The following DNAH14 variants were observed in gnomAD, a reference collection of about 807,000 sequenced individuals.
DNAH14 encodes the protein dynein axonemal heavy chain 14.
A neutral mutation model predicts 520.9 loss-of-function variants in DNAH14; 478 were observed. That is an observed-to-expected ratio of 0.92 (90% CI 0.85 to 0.99). The LOEUF (loss-of-function observed/expected upper bound fraction) is 0.99. DNAH14 is among the 50% of genes least tolerant of loss of function. The probability of loss-of-function intolerance (pLI) is 0.00; values close to 1 mark genes in which losing one functional copy is unlikely to be tolerated. For missense variants in DNAH14, 4,831 were observed against 5,234.5 expected (o/e 0.92, Z 2.38); for synonymous variants, 1,581 against 1,757.2 (o/e 0.90, Z 2.51).
Position 225,240,469 on chromosome 1 carries a change from T to A in DNAH14, c.6519-124T>A, listed in dbSNP as rs534846216. 8.7e-6 allele frequency: 5 copies of A among 574,346 alleles called. No individual in the cohort carries two copies. In the Admixed American group the frequency reaches 1.7e-4, roughly 20 times the overall value. 35.6% of individuals were successfully genotyped at this position (574,346 alleles called of 1,614,324 possible). On this transcript the variant is annotated intron_variant, in intron 42 of 85. Coordinates refer to ENST00000682510, the MANE Select transcript of DNAH14 (RefSeq NM_001367479.1). ...TTACATAAACTCTGAAACTTTTATG[T>A]TAGTACCTAACTGCATTACAATTTT...
intron 38 of DNAH14, among the ~76,000 whole-genome samples, 155 bp from the exon 39 acceptor site, chr1:225,204,028 A>G (rs957687362): frequency 5.3e-5 from 8 of 152,246 alleles, no homozygotes; most frequent in African/African-American, 1.9e-4. Flanking sequence ...AGTCAGTTAC[A>G]TTAGACTATG....
intron 77 of DNAH14, among the ~76,000 whole-genome samples, chr1:225,369,347 A>G (rs2095589617): frequency 6.6e-6 from 1 of 152,128 alleles, no homozygotes; most frequent in Non-Finnish European, 1.5e-5. Context: ...TTATACGAAA[A>G]AGTGAAATTA....
chr1:225,243,781 T>C (rs1273397164), intron 43 of DNAH14, among the ~76,000 whole-genome samples: 1 of 152,148 alleles, frequency 6.6e-6, no homozygotes, highest in African/African-American at 2.4e-5. Context: ...TATACAATCA[T>C]GTCATCTGCA....
chr1:225,039,656 C>T (rs2067270820), intron 12 of DNAH14, among the ~76,000 whole-genome samples: 1 of 151,040 alleles, frequency 6.6e-6, no homozygotes, highest in Admixed American at 6.6e-5. Context: ...GAGATTTAAA[C>T]TTTATATGTT....
chr1:225,296,735 T>A (rs947025757), intron 55 of DNAH14, among the ~76,000 whole-genome samples: 1 of 152,202 alleles, frequency 6.6e-6, no homozygotes, highest in African/African-American at 2.4e-5. Context: ...CTCATTCATT[T>A]CTGAAGGATA....
intron 9 of DNAH14, among the ~76,000 whole-genome samples, chr1:225,004,772 G>T (rs548212457): frequency 1.9e-4 from 29 of 152,142 alleles, no homozygotes; most frequent in Non-Finnish European, 3.8e-4. Flanking sequence ...GAATCGGAAG[G>T]TTATGCATAG....
At chr1:225,357,693 A>T (rs948543147) in intron 73 of DNAH14, 1 of 673,530 alleles carries the variant, frequency 1.5e-6, no homozygotes, top group Non-Finnish European at 2.7e-6. Flanking sequence ...TGTGTTAAAC[A>T]TATTGCCAAT....
At chr1:225,119,041 A>G (rs1401981216) in intron 25 of DNAH14, among the ~76,000 whole-genome samples, 179 bp from the exon 26 acceptor site, 1 of 152,146 alleles carries the variant, frequency 6.6e-6, no homozygotes, top group Non-Finnish European at 1.5e-5. Flanking sequence ...AAGCATGTTC[A>G]TATGTTTTCT....
intron 23 of DNAH14, among the ~76,000 whole-genome samples, chr1:225,106,629 T>C (rs2076071075): frequency 6.6e-6 from 1 of 152,224 alleles, no homozygotes; most frequent in Non-Finnish European, 1.5e-5. Context: ...TTTCATTCAT[T>C]TGATCTTCCA....
intron 25 of DNAH14, among the ~76,000 whole-genome samples, chr1:225,118,900 A>G (rs528762286): frequency 8.6e-5 from 13 of 151,792 alleles, no homozygotes; most frequent in East Asian, 7.7e-4. Context: ...AAAAAAAAAA[A>G]AAAAGAAAAG....
intron 23 of DNAH14, among the ~76,000 whole-genome samples, chr1:225,112,729 A>G (rs1333575891): frequency 6.6e-6 from 1 of 151,582 alleles, no homozygotes; most frequent in Non-Finnish European, 1.5e-5. Context: ...CAAGCTCACT[A>G]ATTCTCTCTT....
chr1:225,212,774 A>T (rs1254051223), intron 41 of DNAH14, among the ~76,000 whole-genome samples: 1 of 152,006 alleles, frequency 6.6e-6, no homozygotes, highest in Non-Finnish European at 1.5e-5. Flanking sequence ...TTTCTTGTAA[A>T]TTCGTTTAAC....
Position 225,192,867 on chromosome 1 carries a change from G to T in DNAH14, c.5842G>T (p.Asp1948Tyr). The T allele has an allele frequency of 1.3e-6, 2 of 1,542,066 alleles. No homozygotes were observed. The highest frequency in any genetic ancestry group is 4.9e-5 in the East Asian group (2 of 40,730). ...TAACACACCAAAGAACACAAAGAAA[G>T]ACATTGATCTCAGACTAAAGTCAAG... ...YFNTPKNTKK[D>Y]IDLRLKSRIS... The change falls in exon 38 of 86, where the codon GAC becomes TAC. Residue 1948 changes from aspartate (D) to tyrosine (Y), a missense_variant. By Grantham distance (160) the Asp-to-Tyr change is radical. Coordinates refer to ENST00000682510, the MANE Select transcript of DNAH14 (RefSeq NM_001367479.1).
intron 60 of DNAH14, among the ~76,000 whole-genome samples, chr1:225,315,662 T>C (rs924679577): frequency 1.3e-5 from 2 of 152,232 alleles, no homozygotes; most frequent in East Asian, 3.9e-4. Context: ...ATGCTATTGC[T>C]TTCTGTTTGT....
intron 1 of DNAH14, among the ~76,000 whole-genome samples, chr1:224,950,967 T>C (rs537406247): frequency 6.6e-6 from 1 of 152,238 alleles, no homozygotes; most frequent in African/African-American, 2.4e-5. Context: ...ATGGTACCTA[T>C]GTAATAGCCT....
chr1:225,373,547 T>C (rs1489371140), intron 77 of DNAH14, among the ~76,000 whole-genome samples: 1 of 150,078 alleles, frequency 6.7e-6, no homozygotes, highest in Non-Finnish European at 1.5e-5. Flanking sequence ...ACAGGGAGGA[T>C]AGAAAGAAGG....
At position 225,389,688 on chromosome 1, in the gene DNAH14, A is replaced by G. The variant is rs185315236; in HGVS notation, c.13191-46A>G. On this transcript the variant is annotated intron_variant, in intron 82 of 85. Transcript: ENST00000682510. Reference sequence around the variant, plus strand: ...TGGCCCACATCACCCAAAGGTGTGCAATTATTATGCCCTTAACCCCCAACC... The same window carrying G: ...TGGCCCACATCACCCAAAGGTGTGCGATTATTATGCCCTTAACCCCCAACC... 356 of 1,543,540 alleles carry G rather than the reference A, an allele frequency of 2.3e-4. No individual in the cohort carries two copies. The African/African-American group carries it at 4.0e-3, about 17-fold the overall frequency.
At chr1:225,061,990 A>G (rs991584974) in intron 17 of DNAH14, among the ~76,000 whole-genome samples, 1 of 152,182 alleles carries the variant, frequency 6.6e-6, no homozygotes, top group African/African-American at 2.4e-5. Flanking sequence ...ATAAACAACT[A>G]AATAAAATAA....
intron 38 of DNAH14, among the ~76,000 whole-genome samples, chr1:225,197,262 T>C (rs2086264353): frequency 6.6e-6 from 1 of 152,314 alleles, no homozygotes; most frequent in South Asian, 2.1e-4. Context: ...TATATGTGGC[T>C]TGCCAATTAT....
Sources: gnomAD v4.1 joint callset for allele counts (sites outside exome capture counted in the v4.1 genomes callset) on GRCh38, gnomAD v4.1.1 for gene constraint, MANE v1.5 for transcripts, NCBI Gene and HGNC (gene_info 2026-07-23, HGNC 2026-07-21) for gene names.